PAWR: variants seen among roughly 807,000 people sequenced by gnomAD.
PAWR encodes the protein PRKC apoptosis WT1 regulator protein.
In PAWR, 23 loss-of-function variants were observed where a neutral mutation model predicts 32.0. The observed-to-expected ratio is 0.72, with a 90% CI of 0.52 to 1.02. The LOEUF (loss-of-function observed/expected upper bound fraction) is 1.02, where lower values mean the gene tolerates loss of function less well. Ranked by LOEUF, PAWR falls within the 50% of genes least tolerant of loss-of-function variation. PAWR has a pLI of 0.00. For synonymous variants in PAWR, 226 were observed against 187.1 expected, an observed-to-expected ratio of 1.21 and a Z score of -1.70; for missense variants, 457 against 437.7, an observed-to-expected ratio of 1.04 and a Z score of -0.39.
At position 79,646,775 on chromosome 12, in the gene PAWR, T is replaced by TA. The variant is rs1482860538; in HGVS notation, c.517-25569dup. Among the ~76,000 whole-genome samples, 5 of 152,230 alleles carry TA rather than the reference T, an allele frequency of 3.3e-5. No individual in the cohort carries two copies. In the East Asian group the frequency reaches 9.6e-4, roughly 29 times the overall value. On this transcript the variant is annotated intron_variant, in intron 2 of 6. Coordinates refer to ENST00000328827, the MANE Select transcript of PAWR (RefSeq NM_002583.4). Reference sequence around the variant, plus strand: ...ACACAAACAAAATGGTTTATGTAGTTACTTTAATATACATTAAAAATGTAT... The same window carrying TA: ...ACACAAACAAAATGGTTTATGTAGTTAACTTTAATATACATTAAAAATGTAT...
At chr12:79,604,071 A>C (rs553159346) in intron 4 of PAWR, 1 of 163,018 alleles carries the variant, frequency 6.1e-6, no homozygotes, top group East Asian at 1.9e-4. Context: ...AATTGTGAAG[A>C]ATTGTGTTAC....
chr12:79,604,411 A>G, intron 4 of PAWR: 2 of 1,025,012 alleles, frequency 2.0e-6, no homozygotes, highest in Non-Finnish European at 2.3e-6. Flanking sequence ...AAATTACACT[A>G]TTATTCTAAA....
chr12:79,613,727 G>C, intron 3 of PAWR, 118 bp from the exon 4 acceptor site: 1 of 482,700 alleles, frequency 2.1e-6, no homozygotes. Context: ...AGCAATTACT[G>C]TTTTAAAAAA....
At chr12:79,639,891 C>CTATTCCTATTCCT (rs1352953692) in intron 2 of PAWR, among the ~76,000 whole-genome samples, 3 of 142,932 alleles carry the variant, frequency 2.1e-5, no homozygotes, top group African/African-American at 8.5e-5. Context: ...TATTCCATTC[C>CTATTCCTATTCCT]ATTCCATTCC....
At chr12:79,600,567 A>T (rs1873920561) in intron 4 of PAWR, among the ~76,000 whole-genome samples, 1 of 151,822 alleles carries the variant, frequency 6.6e-6, no homozygotes, top group African/African-American at 2.4e-5. Context: ...TGAAACCTCA[A>T]AACTCCTAGG....
chr12:79,609,934 C>T (rs1469549047), intron 4 of PAWR, among the ~76,000 whole-genome samples: 2 of 152,210 alleles, frequency 1.3e-5, no homozygotes, highest in Non-Finnish European at 2.9e-5. Flanking sequence ...TAGTGGGCAT[C>T]CCCCTAGATA....
chr12:79,646,915 C>T (rs943177318), intron 2 of PAWR, among the ~76,000 whole-genome samples: 2 of 152,070 alleles, frequency 1.3e-5, no homozygotes, highest in African/African-American at 2.4e-5. Context: ...CGGTGGCTGA[C>T]ACCTGTAATC....
Position 79,594,328 on chromosome 12 carries a change from C to T in PAWR, c.936+1G>A, listed in dbSNP as rs753584329. 1.5e-6 allele frequency: 2 copies of T among 1,300,326 alleles called. No individual in the cohort carries two copies. The highest frequency in any genetic ancestry group is 1.1e-6 in the Non-Finnish European group (1 of 915,446). 80.5% of individuals were successfully genotyped at this position (1,300,326 alleles called of 1,614,324 possible). On this transcript the variant is annotated splice_donor_variant, in intron 6 of 6. Transcript: ENST00000328827. LOFTEE classifies it high-confidence loss of function. ...AACCTGAAATATGGTGAAATACTTA[C>T]TCTATTTAATAAATCAATTTCTTCT...
At chr12:79,678,868 A>ATTTTT (rs11383561) in intron 2 of PAWR, among the ~76,000 whole-genome samples, 1 of 127,834 alleles carries the variant, frequency 7.8e-6, no homozygotes, top group Non-Finnish European at 1.6e-5. Context: ...CCTTTAGGGT[A>ATTTTT]TTTTTTTTTT....
rs1403328612 is a variant in PAWR, at chr12:79,639,884, T to TC, written c.517-18678dup. Among the ~76,000 whole-genome samples the TC allele has an allele frequency of 2.7e-3, 207 of 77,678 alleles. 1 individual carries two copies. Among genetic ancestry groups the TC allele is most frequent in the African/African-American group, 7.5e-3 (204 of 27,274 alleles). 51.0% of individuals were successfully genotyped at this position (77,678 alleles called of 152,430 possible). A position where few individuals can be genotyped will look rare whatever the true frequency, so the allele number is the denominator to read the frequency against. The stretch of plus-strand genomic sequence containing the variant: ...TTCCTATTCCTATTCCTATTCCTAT[T>TC]CCATTCCATTCCATTCCATTCCATT... On this transcript the variant is annotated intron_variant, in intron 2 of 6. Transcript: ENST00000328827.
At chr12:79,598,407 G>A (rs1217389428) in intron 4 of PAWR, among the ~76,000 whole-genome samples, 1 of 152,194 alleles carries the variant, frequency 6.6e-6, no homozygotes, top group East Asian at 1.9e-4. Context: ...ATTTCAACAA[G>A]CTCGGACATT....
Position 79,596,651 on chromosome 12 carries a change from T to A in PAWR, c.691A>T (p.Ser231Cys). 6.4e-7 allele frequency: 1 copy of A among 1,571,750 alleles called. No homozygotes were observed. The highest frequency in any genetic ancestry group is 1.4e-5 in the African/African-American group (1 of 72,758). ...CTTGAGACATCTTCTTCAGAGACACTGGTTGTGCTGTGGAAATATAAACAT... is the reference window on the plus strand; with the variant it reads ...CTTGAGACATCTTCTTCAGAGACACAGGTTGTGCTGTGGAAATATAAACAT... The part of the protein sequence containing the change: ...TVSGRYKSTT[S>C]VSEEDVSSRY... The change falls in exon 5 of 7, where the codon AGT becomes TGT. Residue 231 changes from serine (S) to cysteine (C), a missense_variant. By Grantham distance (112) the Ser-to-Cys change is moderately radical. Transcript: ENST00000328827.
chr12:79,653,234 C>T (rs938195292), intron 2 of PAWR, among the ~76,000 whole-genome samples: 8 of 152,230 alleles, frequency 5.3e-5, no homozygotes, highest in African/African-American at 1.4e-4. Flanking sequence ...CAGGGTTTCA[C>T]CATGTTGGCC....
rs568324791 is a variant in PAWR, at chr12:79,643,819, T to C, written c.517-22612A>G. ...GCTATTTTTCAGCTGTCAGGGAATA[T>C]CAAAATTTTACATAGCAAAAATAAA... On this transcript the variant is annotated intron_variant, in intron 2 of 6. Transcript: ENST00000328827. Among the ~76,000 whole-genome samples, 10 of 152,268 alleles carry C rather than the reference T, an allele frequency of 6.6e-5. No homozygotes were observed. In the East Asian group the frequency reaches 1.4e-3, roughly 21 times the overall value.
At chr12:79,670,419 G>A (rs1877833919) in intron 2 of PAWR, among the ~76,000 whole-genome samples, 1 of 151,964 alleles carries the variant, frequency 6.6e-6, no homozygotes, top group African/African-American at 2.4e-5. Flanking sequence ...TTTACCAGGA[G>A]AATGTCTATC....
At chr12:79,616,503 A>G (rs1466920008) in intron 3 of PAWR, among the ~76,000 whole-genome samples, 4 of 152,212 alleles carry the variant, frequency 2.6e-5, no homozygotes, top group Admixed American at 6.5e-5. Flanking sequence ...TAAAACTTAG[A>G]GTAATAGAGA....
At chr12:79,690,430 T>A in intron 1 of PAWR, 39 bp from the exon 2 acceptor site, 1 of 1,249,632 alleles carries the variant, frequency 8.0e-7, no homozygotes. Flanking sequence ...AAGGGAAGCG[T>A]AAGATCCCCG....
At chr12:79,609,088 G>A (rs527451200) in intron 4 of PAWR, among the ~76,000 whole-genome samples, 1 of 151,976 alleles carries the variant, frequency 6.6e-6, no homozygotes, top group African/African-American at 2.4e-5. Context: ...AAAAGGAGGG[G>A]GGCAATTATA....
intron 2 of PAWR, among the ~76,000 whole-genome samples, chr12:79,634,838 C>T (rs921033637): frequency 7.3e-5 from 11 of 151,278 alleles, no homozygotes; most frequent in Non-Finnish European, 1.5e-4. Flanking sequence ...TATAAGGATT[C>T]ATTTGGCTTG....
Sources: allele counts gnomAD v4.1 joint callset (sites outside exome capture counted in the v4.1 genomes callset), GRCh38; gene constraint gnomAD v4.1.1; transcripts MANE v1.5; gene names NCBI Gene and HGNC (gene_info 2026-07-23, HGNC 2026-07-21).